SV2C: variants seen among roughly 807,000 people sequenced by gnomAD.
SV2C encodes the protein solute carrier family 22 member B3.
Under a neutral mutation model 79.7 loss-of-function variants are expected in SV2C, and 49 were observed. That is an observed-to-expected ratio of 0.61 (90% CI 0.49 to 0.78). The LOEUF is 0.78. SV2C is among the 30% of genes least tolerant of loss of function. SV2C has a pLI of 0.00. For missense variants in SV2C, 833 were observed against 912.9 expected (o/e 0.91, Z 1.13); for synonymous variants, 334 against 333.2 (o/e 1.00, Z -0.03).
At chr5:75,946,148 A>C in the SV2C span, among the ~76,000 whole-genome samples, 1 of 152,124 alleles carries the variant, frequency 6.6e-6, no homozygotes, top group South Asian at 2.1e-4. Context: ...ATGAGTCTCT[A>C]CCTGGATTGA....
chr5:75,921,499 T>C, the SV2C span: 1 of 802,798 alleles, frequency 1.2e-6, no homozygotes, highest in South Asian at 1.3e-5. Context: ...TTAGGGTTCT[T>C]GCAATGGCCA....
At chr5:76,030,250 C>T in the SV2C span, among the ~76,000 whole-genome samples, 7 of 110,024 alleles carry the variant, frequency 6.4e-5, no homozygotes, top group African/African-American at 1.1e-4. Flanking sequence ...AGACAGAATG[C>T]TTTGGTCAGA....
the SV2C span, among the ~76,000 whole-genome samples, chr5:75,848,166 A>T: frequency 6.6e-6 from 1 of 152,194 alleles, no homozygotes. Context: ...CACTGAAAGA[A>T]TGCTGCATGC....
At chr5:75,895,987 T>C in the SV2C span, among the ~76,000 whole-genome samples, 2 of 152,082 alleles carry the variant, frequency 1.3e-5, no homozygotes, top group Non-Finnish European at 2.9e-5. Context: ...TATACACACA[T>C]ACAAAATGCA....
chr5:76,213,479 G>A (rs949301324), intron 4 of SV2C, among the ~76,000 whole-genome samples: 2 of 152,022 alleles, frequency 1.3e-5, no homozygotes, highest in Non-Finnish European at 2.9e-5. Context: ...ACACTTTTTA[G>A]TAAGTTTACC....
the SV2C span, among the ~76,000 whole-genome samples, chr5:76,002,977 T>C: frequency 6.6e-6 from 1 of 152,044 alleles, no homozygotes; most frequent in Non-Finnish European, 1.5e-5. Flanking sequence ...CCACGTGTCA[T>C]GGGAGGGGCC....
the SV2C span, among the ~76,000 whole-genome samples, chr5:76,025,155 C>T: frequency 1.3e-5 from 2 of 150,162 alleles, no homozygotes; most frequent in Non-Finnish European, 2.9e-5. Context: ...ACAAAAACAG[C>T]TCACATGCCT....
chr5:76,173,734 T>C (rs1292829886), intron 2 of SV2C: 1 of 1,613,210 alleles, frequency 6.2e-7, no homozygotes. Context: ...CATTTATTTT[T>C]GATTTTGCAG....
intron 2 of SV2C, among the ~76,000 whole-genome samples, chr5:76,140,953 G>A: frequency 6.6e-6 from 1 of 152,158 alleles, no homozygotes; most frequent in South Asian, 2.1e-4. Context: ...GGCTCATAGA[G>A]CACATCCTGT....
chr5:76,265,969 A>C (rs1417424982), intron 4 of SV2C, among the ~76,000 whole-genome samples: 1 of 152,166 alleles, frequency 6.6e-6, no homozygotes, highest in African/African-American at 2.4e-5. Flanking sequence ...CATCACTTTT[A>C]AAATCTACAA....
intron 12 of SV2C, among the ~76,000 whole-genome samples, chr5:76,305,938 G>A (rs1424861171): frequency 6.6e-6 from 1 of 152,176 alleles, no homozygotes; most frequent in Non-Finnish European, 1.5e-5. Context: ...CTGGACATAT[G>A]GTTGGTTTTT....
At chr5:76,014,468 A>T in the SV2C span, among the ~76,000 whole-genome samples, 1 of 152,210 alleles carries the variant, frequency 6.6e-6, no homozygotes, top group African/African-American at 2.4e-5. Context: ...AAGAAAAAAA[A>T]ATTCTGTTTT....
At chr5:76,076,660 T>C in the SV2C span, among the ~76,000 whole-genome samples, 156 of 152,298 alleles carry the variant, frequency 1.0e-3, no homozygotes, top group African/African-American at 3.4e-3. Context: ...ACTGAATTCA[T>C]AGTTTGTTGA....
At chr5:75,897,642 T>C in the SV2C span, among the ~76,000 whole-genome samples, 1 of 152,302 alleles carries the variant, frequency 6.6e-6, no homozygotes, top group South Asian at 2.1e-4. Context: ...ACATTGAATC[T>C]ATAAATTACC....
chr5:76,049,982 T>C, the SV2C span, among the ~76,000 whole-genome samples: 1 of 152,232 alleles, frequency 6.6e-6, no homozygotes, highest in Admixed American at 6.5e-5. Flanking sequence ...CTAGTTCCAC[T>C]ACTTATTAAT....
At chr5:76,312,147 G>A (rs1181335265) in intron 12 of SV2C, among the ~76,000 whole-genome samples, 1 of 151,840 alleles carries the variant, frequency 6.6e-6, no homozygotes, top group African/African-American at 2.4e-5. Flanking sequence ...CTAGGTTTTG[G>A]CCTTTATGTT....
chr5:76,056,102 C>T, the SV2C span, among the ~76,000 whole-genome samples: 2 of 152,094 alleles, frequency 1.3e-5, no homozygotes, highest in Non-Finnish European at 2.9e-5. Context: ...CCAGCTTTTG[C>T]TCATTCAGTA....
At chr5:76,107,862 C>A (rs944280200) in intron 1 of SV2C, among the ~76,000 whole-genome samples, 1 of 151,604 alleles carries the variant, frequency 6.6e-6, no homozygotes, top group Non-Finnish European at 1.5e-5. Flanking sequence ...CAAAAAAAAA[C>A]AAAAGCAAGT....
At chr5:75,982,784 T>TA in the SV2C span, among the ~76,000 whole-genome samples, 1 of 152,108 alleles carries the variant, frequency 6.6e-6, no homozygotes, top group Non-Finnish European at 1.5e-5. Context: ...TATGCAGTCA[T>TA]AAAAAACAAC....
Sources: gnomAD v4.1 joint callset for allele counts (sites outside exome capture counted in the v4.1 genomes callset) on GRCh38, gnomAD v4.1.1 for gene constraint, MANE v1.5 for transcripts, NCBI Gene and HGNC (gene_info 2026-07-23, HGNC 2026-07-21) for gene names.